NDST4: variants seen among roughly 807,000 people sequenced by gnomAD.
The protein encoded by NDST4 is N-heparan sulfate sulfotransferase 4.
NDST4 carries 63 observed loss-of-function variants against 100.8 expected under a neutral mutation model. That is an observed-to-expected ratio of 0.62 (90% CI 0.51 to 0.77). The LOEUF (loss-of-function observed/expected upper bound fraction) is 0.77, where lower values mean the gene tolerates loss of function less well. NDST4 is among the 30% of genes least tolerant of loss of function. NDST4 has a pLI of 0.00. For synonymous variants in NDST4, 377 were observed against 361.8 expected, an observed-to-expected ratio of 1.04 and a Z score of -0.48; for missense variants, 943 against 1,018.4, an observed-to-expected ratio of 0.93 and a Z score of 1.01.
intron 10 of NDST4, among the ~76,000 whole-genome samples, chr4:114,840,592 T>A (rs1245720567): frequency 6.6e-6 from 1 of 152,282 alleles, no homozygotes; most frequent in South Asian, 2.1e-4. Flanking sequence ...AGGAGAAAGA[T>A]TGTGATAATC....
intron 2 of NDST4, among the ~76,000 whole-genome samples, chr4:114,995,777 T>C (rs1339213908): frequency 6.6e-6 from 1 of 152,120 alleles, no homozygotes; most frequent in Non-Finnish European, 1.5e-5. Context: ...CAAAAAACTT[T>C]TTTTTGATGT....
At chr4:114,986,291 G>C (rs1726899122) in intron 2 of NDST4, among the ~76,000 whole-genome samples, 1 of 152,034 alleles carries the variant, frequency 6.6e-6, no homozygotes, top group Non-Finnish European at 1.5e-5. Flanking sequence ...TTATTTCATT[G>C]CATCAGCCAA....
chr4:114,862,078 C>A (rs955987850), intron 7 of NDST4, among the ~76,000 whole-genome samples: 5 of 152,028 alleles, frequency 3.3e-5, no homozygotes, highest in Admixed American at 1.3e-4. Context: ...TTGCTACAAC[C>A]CAATACTTAA....
rs1421670241 is a variant in NDST4 at position 115,008,842 on chromosome 4, G to A, written c.979-31568C>T. ...ATAAGCAACTTCAGCAAAGTCGCAG[G>A]ATACAAAATCAATGGACACAAATCA... On this transcript the variant is annotated intron_variant, in intron 2 of 13. Transcript: ENST00000264363. Among the ~76,000 whole-genome samples, 6 of 128,584 alleles carry A rather than the reference G, an allele frequency of 4.7e-5. 1 individual carries two copies. Among genetic ancestry groups the A allele is most frequent in the Non-Finnish European group, 1.0e-4 (6 of 60,172 alleles). 84.4% of individuals were successfully genotyped at this position (128,584 alleles called of 152,430 possible).
At chr4:115,057,336 G>C (rs1728717122) in intron 2 of NDST4, among the ~76,000 whole-genome samples, 1 of 148,934 alleles carries the variant, frequency 6.7e-6, no homozygotes, top group Admixed American at 6.7e-5. Context: ...GAGGAGGAAG[G>C]AGAAACAGAG....
intron 1 of NDST4, among the ~76,000 whole-genome samples, chr4:115,095,889 G>A (rs1390498547): frequency 1.3e-5 from 2 of 151,600 alleles, no homozygotes; most frequent in Non-Finnish European, 2.9e-5. Context: ...TTCATATATT[G>A]TGCTATCCAA....
intron 6 of NDST4, among the ~76,000 whole-genome samples, chr4:114,895,982 A>G (rs1724705314): frequency 6.6e-6 from 1 of 152,094 alleles, no homozygotes; most frequent in Non-Finnish European, 1.5e-5. Flanking sequence ...CTTGCCTAAC[A>G]GATTTGCCTT....
At chr4:115,084,029 T>C (rs1729360280) in intron 1 of NDST4, among the ~76,000 whole-genome samples, 1 of 152,040 alleles carries the variant, frequency 6.6e-6, no homozygotes, top group African/African-American at 2.4e-5. Context: ...TTGGAACAGT[T>C]TGGAAGGCTC....
At chr4:114,998,725 G>T (rs1449403172) in intron 2 of NDST4, among the ~76,000 whole-genome samples, 1 of 151,998 alleles carries the variant, frequency 6.6e-6, no homozygotes, top group Non-Finnish European at 1.5e-5. Flanking sequence ...TTTATCAATA[G>T]AGTATTTGGT....
At chr4:115,094,273 T>A (rs1729577274) in intron 1 of NDST4, among the ~76,000 whole-genome samples, 1 of 152,096 alleles carries the variant, frequency 6.6e-6, no homozygotes, top group African/African-American at 2.4e-5. Context: ...GTCAAAAATA[T>A]TTCCAGAAAG....
intron 1 of NDST4, among the ~76,000 whole-genome samples, chr4:115,089,716 TTGAG>T (rs1411147839): frequency 6.6e-6 from 1 of 151,946 alleles, no homozygotes; most frequent in Non-Finnish European, 1.5e-5. Context: ...AGTAACAATC[TTGAG>T]TAAGTCAGTT....
At chr4:115,071,889 A>G (rs1201275845) in intron 2 of NDST4, among the ~76,000 whole-genome samples, 2 of 152,192 alleles carry the variant, frequency 1.3e-5, no homozygotes, top group African/African-American at 2.4e-5. Flanking sequence ...ACATATAAGT[A>G]ACATAGTAGA....
chr4:115,092,953 G>C (rs183776154), intron 1 of NDST4, among the ~76,000 whole-genome samples: 130 of 152,136 alleles, frequency 8.5e-4, no homozygotes, highest in African/African-American at 3.0e-3. Flanking sequence ...TGTTTACAAT[G>C]GATATAAAAT....
At position 114,852,718 on chromosome 4, in the gene NDST4, T is replaced by C. The variant is rs555338865; in HGVS notation, c.1816+7A>G. Reference sequence around the variant, plus strand: ...AGGATATAAGTAGCACAATTGGCTATTTTTACCTGTTTTTTGTGGACCAAT... The same window carrying C: ...AGGATATAAGTAGCACAATTGGCTACTTTTACCTGTTTTTTGTGGACCAAT... On this transcript the variant is annotated splice_region_variant and intron_variant, in intron 8 of 13. Transcript: ENST00000264363. The C allele has an allele frequency of 1.7e-5, 27 of 1,558,014 alleles. No homozygotes were observed. In the Admixed American group the frequency reaches 2.9e-4, roughly 16 times the overall value.
chr4:114,847,371 G>C (rs1156516933), intron 9 of NDST4, among the ~76,000 whole-genome samples: 1 of 66,452 alleles, frequency 1.5e-5, no homozygotes, highest in South Asian at 5.4e-4. Flanking sequence ...GCGAGACTCC[G>C]TCTCAAAAAA....
At chr4:115,036,915 G>C (rs1472078146) in intron 2 of NDST4, among the ~76,000 whole-genome samples, 2 of 151,576 alleles carry the variant, frequency 1.3e-5, no homozygotes, top group Non-Finnish European at 2.9e-5. Flanking sequence ...AAATAAAATG[G>C]GTTAAATAAA....
chr4:115,053,580 G>T (rs1435360398), intron 2 of NDST4, among the ~76,000 whole-genome samples: 2 of 151,994 alleles, frequency 1.3e-5, no homozygotes, highest in Non-Finnish European at 2.9e-5. Context: ...TTTGATGTTT[G>T]AATGATAAAC....
intron 7 of NDST4, among the ~76,000 whole-genome samples, chr4:114,867,785 C>T (rs1269966059): frequency 6.6e-6 from 1 of 150,486 alleles, no homozygotes; most frequent in Non-Finnish European, 1.5e-5. Flanking sequence ...TTTTAAGAGT[C>T]TTACACACTA....
chr4:115,030,191 A>T (rs1327136723), intron 2 of NDST4, among the ~76,000 whole-genome samples: 1 of 152,166 alleles, frequency 6.6e-6, no homozygotes, highest in Non-Finnish European at 1.5e-5. Flanking sequence ...AAAATATATT[A>T]GGTTTGTGAA....
Sources: gnomAD v4.1 joint callset for allele counts (sites outside exome capture counted in the v4.1 genomes callset) on GRCh38, gnomAD v4.1.1 for gene constraint, MANE v1.5 for transcripts, NCBI Gene and HGNC (gene_info 2026-07-23, HGNC 2026-07-21) for gene names.